Variants in TNFSF11 observed in about 807,000 individuals in gnomAD.
The protein encoded by TNFSF11 is tumor necrosis factor ligand superfamily member 11.
Under a neutral mutation model 32.2 loss-of-function variants are expected in TNFSF11, and 12 were observed. That is an observed-to-expected ratio of 0.37 (90% CI 0.24 to 0.60). The LOEUF is 0.60. Among genes scored for constraint, TNFSF11 ranks in the 20% least tolerant of loss-of-function variants. The pLI, the probability that TNFSF11 is intolerant of heterozygous loss-of-function variation, is 0.66. For synonymous variants in TNFSF11, 172 were observed against 152.1 expected, an observed-to-expected ratio of 1.13 and a Z score of -0.96; for missense variants, 345 against 398.0, an observed-to-expected ratio of 0.87 and a Z score of 1.13.
At chr13:42,571,670 A>C (rs1459732302), upstream of TNFSF11, 2 of 152,320 alleles carry the variant, frequency 1.3e-5, no homozygotes, top group East Asian at 3.9e-4. Context: ...CGCCTGGCCT[A>C]TTGAAGGTTT....
intron 1 of TNFSF11, among the ~76,000 whole-genome samples, chr13:42,564,747 AT>A (rs1872809012): frequency 6.6e-6 from 1 of 152,204 alleles, no homozygotes; most frequent in Non-Finnish European, 1.5e-5. Context: ...TGTAGATATT[AT>A]TTTGCAGCTA....
intron 2 of TNFSF11, among the ~76,000 whole-genome samples, chr13:42,596,740 A>C (rs1309916405): frequency 6.6e-6 from 1 of 152,280 alleles, no homozygotes; most frequent in Non-Finnish European, 1.5e-5. Flanking sequence ...TATGCAAGTC[A>C]TGAGACTATA....
chr13:42,563,469 C>T (rs1461708976), intron 1 of TNFSF11, among the ~76,000 whole-genome samples: 2 of 152,072 alleles, frequency 1.3e-5, no homozygotes, highest in Non-Finnish European at 2.9e-5. Flanking sequence ...TCAAGACCAG[C>T]CTTGCCAACA....
At chr13:42,565,483 C>T (rs1175219923) in intron 1 of TNFSF11, among the ~76,000 whole-genome samples, 1 of 152,054 alleles carries the variant, frequency 6.6e-6, no homozygotes, top group Non-Finnish European at 1.5e-5. Context: ...AGCATTATAT[C>T]TCTTATGCCT....
Position 42,607,096 on chromosome 13 carries a change from G to C in TNFSF11, c.*178G>C, listed in dbSNP as rs1176690376. 2 of 715,562 alleles carry C rather than the reference G, an allele frequency of 2.8e-6. No homozygotes were observed. The highest frequency in any genetic ancestry group is 5.4e-5 in the East Asian group (2 of 36,716). The allele number at this position is 715,562 out of a possible 1,614,324, so 44.3% of individuals were successfully genotyped here. On this transcript the variant is annotated 3_prime_UTR_variant, in exon 5 of 5. Coordinates refer to ENST00000398795, the MANE Select transcript of TNFSF11 (RefSeq NM_003701.4). ...ACACGCGTATTTACAGCCAGTGGGA[G>C]ATGTTAGACTCATGGTGTGTTACAC...
At chr13:42,582,574 C>T (rs1235225734) in intron 2 of TNFSF11, among the ~76,000 whole-genome samples, 14 of 152,140 alleles carry the variant, frequency 9.2e-5, no homozygotes, top group African/African-American at 2.4e-5. Context: ...AAAAGTTGTG[C>T]ATTATGGAAT....
At chr13:42,563,870 T>A (rs1302726458) in intron 1 of TNFSF11, among the ~76,000 whole-genome samples, 1 of 152,178 alleles carries the variant, frequency 6.6e-6, no homozygotes, top group Non-Finnish European at 1.5e-5. Flanking sequence ...TGAGTTAATG[T>A]CTTTAATCAG....
At chr13:42,564,814 G>T (rs1872810835) in intron 1 of TNFSF11, among the ~76,000 whole-genome samples, 1 of 152,164 alleles carries the variant, frequency 6.6e-6, no homozygotes, top group South Asian at 2.1e-4. Context: ...TAGTTTCAGT[G>T]CAACTCTTGT....
At chr13:42,593,513 C>T (rs542838752) in intron 2 of TNFSF11, among the ~76,000 whole-genome samples, 4 of 152,078 alleles carry the variant, frequency 2.6e-5, no homozygotes, top group South Asian at 4.2e-4. Flanking sequence ...GCAGTGGTAC[C>T]CAGGTTGGAG....
In TNFSF11 at chr13:42,597,311, A is replaced by G. The variant is rs576183787; in HGVS notation, c.388-3441A>G. ...TCTTGGGTCTCTAGCTAGAGTTTTA[A>G]TTCATCCTGGGTCATGAAGCCTTTT... On this transcript the variant is annotated intron_variant, in intron 2 of 4. Coordinates refer to ENST00000398795, the MANE Select transcript of TNFSF11 (RefSeq NM_003701.4). 6.2e-5 allele frequency among the ~76,000 whole-genome samples: 9 copies of G among 144,450 alleles called. No homozygotes were observed. In the East Asian group the frequency reaches 1.8e-3, roughly 30 times the overall value. The allele number at this position is 144,450 out of a possible 152,430, so 94.8% of individuals were successfully genotyped here.
At chr13:42,588,976 T>G (rs1364801103) in intron 2 of TNFSF11, among the ~76,000 whole-genome samples, 2 of 152,210 alleles carry the variant, frequency 1.3e-5, no homozygotes, top group Non-Finnish European at 2.9e-5. Context: ...TCACTTAGCT[T>G]CTGCATCACT....
chr13:42,597,801 G>A (rs78608081), intron 2 of TNFSF11, among the ~76,000 whole-genome samples: 2,581 of 151,416 alleles, frequency 0.017, 86 homozygotes, highest in African/African-American at 0.059. Flanking sequence ...TCAAGTTTGA[G>A]GACCACTGAG....
chr13:42,587,551 A>T (rs558456312), intron 2 of TNFSF11, among the ~76,000 whole-genome samples: 1 of 152,250 alleles, frequency 6.6e-6, no homozygotes, highest in African/African-American at 2.4e-5. Context: ...CTTTGGGATT[A>T]TTTAGATTGC....
upstream of TNFSF11, among the ~76,000 whole-genome samples, chr13:42,573,135 C>T (rs760192293): frequency 7.3e-5 from 11 of 151,048 alleles, no homozygotes; most frequent in Non-Finnish European, 1.3e-4. Context: ...AAAAAGTCTA[C>T]AGATGTTAGT....
intron 1 of TNFSF11, among the ~76,000 whole-genome samples, chr13:42,565,726 T>G (rs1464873190): frequency 1.3e-5 from 2 of 152,190 alleles, no homozygotes; most frequent in African/African-American, 4.8e-5. Flanking sequence ...GACTTTATCT[T>G]AAGTGTTGGT....
At chr13:42,602,407 T>G (rs1214991313) in intron 4 of TNFSF11, among the ~76,000 whole-genome samples, 1 of 152,272 alleles carries the variant, frequency 6.6e-6, no homozygotes, top group Non-Finnish European at 1.5e-5. Flanking sequence ...AGGCAAGTTT[T>G]TCTCGGAGTT....
intron 2 of TNFSF11, among the ~76,000 whole-genome samples, chr13:42,583,950 C>T (rs1304287086): frequency 6.6e-6 from 1 of 151,988 alleles, no homozygotes; most frequent in African/African-American, 2.4e-5. Flanking sequence ...TAAAATAAAT[C>T]AGTTTGTAAA....
At chr13:42,605,411 C>G (rs375523451) in intron 4 of TNFSF11, among the ~76,000 whole-genome samples, 3 of 152,250 alleles carry the variant, frequency 2.0e-5, no homozygotes, top group African/African-American at 7.2e-5. Context: ...AGTATTACAA[C>G]TTTCCCACCA....
chr13:42,606,838 G>A lies in TNFSF11; in HGVS notation c.874G>A (p.Glu292Lys), dbSNP rs992827347. 5 of 1,613,736 alleles carry A rather than the reference G, an allele frequency of 3.1e-6. No homozygotes were observed. The highest frequency in any genetic ancestry group is 2.2e-5 in the South Asian group (2 of 91,014). ...KLRSGEEISIEVSNPSLLDPD... is the reference protein window; with the variant it reads ...KLRSGEEISIKVSNPSLLDPD... ...ACGGTCTGGAGAGGAAATCAGCATC[G>A]AGGTCTCCAACCCCTCCTTACTGGA... Residue 292 changes from glutamate (E) to lysine (K), a missense_variant, in exon 5 of 5, where the codon GAG (glutamate) becomes AAG (lysine). Coordinates refer to ENST00000398795, the MANE Select transcript of TNFSF11 (RefSeq NM_003701.4).
Sources: gnomAD v4.1 joint callset for allele counts (sites outside exome capture counted in the v4.1 genomes callset) on GRCh38, gnomAD v4.1.1 for gene constraint, MANE v1.5 for transcripts, NCBI Gene and HGNC (gene_info 2026-07-23, HGNC 2026-07-21) for gene names.